The following CDH20 variants were observed in gnomAD, a reference collection of about 807,000 sequenced individuals.
The protein encoded by CDH20 is cadherin 20, also known as cadherin-20.
In CDH20, 29 loss-of-function variants were observed where a neutral mutation model predicts 74.2. The ratio of observed to expected loss-of-function variants is 0.39; its 90% CI spans 0.29 to 0.53. The LOEUF is 0.53. Ranked by LOEUF, CDH20 falls within the 20% of genes least tolerant of loss-of-function variation. The pLI, the probability that CDH20 is intolerant of heterozygous loss-of-function variation, is 0.69. For synonymous variants in CDH20, 469 were observed against 405.4 expected, an observed-to-expected ratio of 1.16 and a Z score of -1.88; for missense variants, 988 against 1,048.3, an observed-to-expected ratio of 0.94 and a Z score of 0.79.
chr18:61,465,586 G>T (rs1455368624), intron 1 of CDH20, among the ~76,000 whole-genome samples: 1 of 129,370 alleles, frequency 7.7e-6, no homozygotes, highest in Non-Finnish European at 1.6e-5. Context: ...CTCTCAGAAA[G>T]AATTACATGG....
rs146478670 is a variant in CDH20 at position 61,371,851 on chromosome 18, A to G, written c.-153+38024A>G. Among the ~76,000 whole-genome samples the G allele has an allele frequency of 3.5e-4, 53 of 152,220 alleles. No individual in the cohort carries two copies. The East Asian group carries it at 7.3e-3, about 21-fold the overall frequency. ...CACTGCAAGTCAGCATCTCTTATAG[A>G]TGACTCCAGTAGAGGACTGCTAGGT... On this transcript the variant is annotated intron_variant, in intron 1 of 11. Transcript: ENST00000262717.
chr18:61,554,850 G>A lies in CDH20; in HGVS notation c.*155G>A. ...GCTCTCTCTGGATCAGCTTTACTTG[G>A]GTAGATTAAGTTAAATAAGCAAAAG... On this transcript the variant is annotated 3_prime_UTR_variant, in exon 12 of 12. Coordinates refer to ENST00000262717, the MANE Select transcript of CDH20 (RefSeq NM_031891.4). 2 of 1,409,260 alleles carry A rather than the reference G, an allele frequency of 1.4e-6. No individual in the cohort carries two copies. Among genetic ancestry groups the A allele is most frequent in the East Asian group, 2.5e-5 (1 of 39,666 alleles). 87.3% of individuals were successfully genotyped at this position (1,409,260 alleles called of 1,614,324 possible). A position where few individuals can be genotyped will look rare whatever the true frequency, so the allele number is the denominator to read the frequency against.
rs555161742 is a variant in CDH20, at chr18:61,519,297, A to G, written c.1018-8670A>G. Among the ~76,000 whole-genome samples, 81 of 151,262 alleles carry G rather than the reference A, an allele frequency of 5.4e-4. 3 individuals carry two copies. Among genetic ancestry groups the G allele is most frequent in the Middle Eastern group, 3.4e-3 (1 of 294 alleles). The stretch of plus-strand genomic sequence containing the variant: ...CACCACAAAGATACTCCTCGAGAAG[A>G]GCAACCCCAAGACACATAATCGTCA... On this transcript the variant is annotated intron_variant, in intron 6 of 11. Coordinates refer to ENST00000262717, the MANE Select transcript of CDH20 (RefSeq NM_031891.4).
intron 1 of CDH20, among the ~76,000 whole-genome samples, chr18:61,428,138 G>A (rs897853070): frequency 4.6e-5 from 7 of 152,188 alleles, no homozygotes; most frequent in Admixed American, 4.6e-4. Context: ...CCTCCCTTGA[G>A]TCCCTTTCAA....
At chr18:61,507,241 G>A (rs1201599307) in intron 5 of CDH20, 132 bp from the exon 6 acceptor site, 25 of 808,648 alleles carry the variant, frequency 3.1e-5, no homozygotes, top group East Asian at 1.3e-4. Flanking sequence ...GTTTTTATCT[G>A]TAAAAACTCA....
intron 1 of CDH20, among the ~76,000 whole-genome samples, chr18:61,425,293 G>A (rs1004107707): frequency 6.6e-6 from 1 of 152,154 alleles, no homozygotes; most frequent in African/African-American, 2.4e-5. Flanking sequence ...AAGATGGACC[G>A]GGAAGTGATG....
At chr18:61,505,954 A>T (rs1911546326) in intron 5 of CDH20, among the ~76,000 whole-genome samples, 1 of 152,190 alleles carries the variant, frequency 6.6e-6, no homozygotes. Flanking sequence ...TGCCTAATTA[A>T]TCTAATGAGT....
At chr18:61,545,797 A>C (rs1324756545) in intron 10 of CDH20, among the ~76,000 whole-genome samples, 4 of 152,240 alleles carry the variant, frequency 2.6e-5, no homozygotes, top group Non-Finnish European at 4.4e-5. Context: ...TTTGGCACTG[A>C]AACAGCTTTA....
rs748048718 is a variant in CDH20, at chr18:61,527,998, C to T, written c.1049C>T (p.Thr350Ile). Residue 350 changes from threonine to isoleucine, a missense_variant, in exon 7 of 12, where the codon ACC becomes ATC. Thr to Ile is a moderately conservative substitution (Grantham distance 89, BLOSUM62 -1). Coordinates refer to ENST00000262717, the MANE Select transcript of CDH20 (RefSeq NM_031891.4). ...PLSFESKKSY[T>I]LKVEGANPHL... is the part of the protein sequence containing the mutation. ...AGTTTTGAAAGCAAGAAAAGCTACA[C>T]CTTAAAGGTGGAGGGAGCCAATCCT... 3.1e-6 allele frequency: 5 copies of T among 1,614,030 alleles called. No homozygotes were observed. Among genetic ancestry groups the T allele is most frequent in the African/African-American group, 2.7e-5 (2 of 75,036 alleles).
At chr18:61,516,839 A>T (rs1010915987) in intron 6 of CDH20, among the ~76,000 whole-genome samples, 4 of 152,166 alleles carry the variant, frequency 2.6e-5, no homozygotes, top group Admixed American at 2.6e-4. Flanking sequence ...CAACATAAGC[A>T]AGAGTTTGTG....
chr18:61,528,065 CACA>C lies in CDH20; in HGVS notation c.1123_1125del (p.Thr375del), dbSNP rs1912497332. The C allele has an allele frequency of 3.1e-6, 5 of 1,614,036 alleles. No individual in the cohort carries two copies. Among genetic ancestry groups the C allele is most frequent in the Non-Finnish European group, 4.2e-6 (5 of 1,180,004 alleles). ...TTCTGAACTTGGGCCCATTTCAGGA[CACA>C]ACAACAGTGCACATCAGTGTGGAAG... is the stretch of plus-strand genomic sequence containing the variant. On this transcript the variant is annotated inframe_deletion, in exon 7 of 12. Transcript: ENST00000262717.
At chr18:61,396,513 T>C (rs528493690) in intron 1 of CDH20, among the ~76,000 whole-genome samples, 16 of 152,274 alleles carry the variant, frequency 1.1e-4, no homozygotes, top group East Asian at 3.9e-4. Context: ...GAATCAACAG[T>C]GACTTCTAGG....
Position 61,342,870 on chromosome 18 carries a change from G to GA in CDH20, c.-153+9050dup, listed in dbSNP as rs1318575295. On this transcript the variant is annotated intron_variant, in intron 1 of 11. Transcript: ENST00000262717. Reference sequence around the variant, plus strand: ...ATATATATCAGACAAAACTTTAGGAGAAAAAAATCATTAAGTCAACATGCC... The same window carrying GA: ...ATATATATCAGACAAAACTTTAGGAGAAAAAAAATCATTAAGTCAACATGCC... Among the ~76,000 whole-genome samples, 11 of 152,204 alleles carry GA rather than the reference G, an allele frequency of 7.2e-5. No homozygotes were observed. The East Asian group carries it at 2.1e-3, about 29-fold the overall frequency.
At chr18:61,357,180 A>T (rs1966864832) in intron 1 of CDH20, among the ~76,000 whole-genome samples, 1 of 152,198 alleles carries the variant, frequency 6.6e-6, no homozygotes, top group South Asian at 2.1e-4. Flanking sequence ...ACTAGATTTT[A>T]CCCGTCTTTT....
intron 6 of CDH20, among the ~76,000 whole-genome samples, chr18:61,512,795 C>T (rs1911832079): frequency 6.6e-6 from 1 of 151,962 alleles, no homozygotes; most frequent in African/African-American, 2.4e-5. Context: ...TGTTCAGTTT[C>T]CATGTAGTTG....
intron 6 of CDH20, among the ~76,000 whole-genome samples, chr18:61,522,813 G>T (rs1912258222): frequency 6.6e-6 from 1 of 152,190 alleles, no homozygotes; most frequent in Admixed American, 6.5e-5. Flanking sequence ...AATCAATGGG[G>T]AAAGGATTTC....
chr18:61,543,634 A>G (rs1161807898), intron 9 of CDH20, among the ~76,000 whole-genome samples: 1 of 150,950 alleles, frequency 6.6e-6, no homozygotes, highest in Admixed American at 6.6e-5. Context: ...CCCACTCCAG[A>G]GTTCTGCTTC....
intron 1 of CDH20, among the ~76,000 whole-genome samples, chr18:61,365,809 C>A (rs1270705584): frequency 6.6e-6 from 1 of 152,122 alleles, no homozygotes; most frequent in African/African-American, 2.4e-5. Flanking sequence ...ACTAAAAGTT[C>A]TTTGCAGTGT....
intron 6 of CDH20, among the ~76,000 whole-genome samples, chr18:61,520,968 G>A (rs1398786497): frequency 6.6e-6 from 1 of 151,220 alleles, no homozygotes; most frequent in Non-Finnish European, 1.5e-5. Flanking sequence ...ACAGGAGAAA[G>A]TGGGAAAGAT....
Sources: gnomAD v4.1 joint callset for allele counts (sites outside exome capture counted in the v4.1 genomes callset) on GRCh38, gnomAD v4.1.1 for gene constraint, MANE v1.5 for transcripts, NCBI Gene and HGNC (gene_info 2026-07-23, HGNC 2026-07-21) for gene names.